MEDAG: variants seen among roughly 807,000 people sequenced by gnomAD.
MEDAG encodes mesenteric estrogen dependent adipogenesis, also known as mesenteric estrogen-dependent adipogenesis protein.
In MEDAG, 25 loss-of-function variants were observed where a neutral mutation model predicts 29.9. That is an observed-to-expected ratio of 0.84 (90% CI 0.61 to 1.17). The LOEUF (loss-of-function observed/expected upper bound fraction) is 1.17. MEDAG is among the 50% of genes most tolerant of loss of function. The pLI, the probability that MEDAG is intolerant of heterozygous loss-of-function variation, is 0.00. For synonymous variants in MEDAG, 158 were observed against 148.2 expected, an observed-to-expected ratio of 1.07 and a Z score of -0.48; for missense variants, 398 against 372.9, an observed-to-expected ratio of 1.07 and a Z score of -0.56.
chr13:30,916,640 T>C (rs1309409258), intron 1 of MEDAG: 1 of 152,228 alleles, frequency 6.6e-6, no homozygotes, highest in Admixed American at 6.5e-5. Flanking sequence ...ACTAACTTCT[T>C]GAAGGAAGCT....
At chr13:30,918,541 C>T (rs1447653190) in intron 2 of MEDAG, among the ~76,000 whole-genome samples, 1 of 152,196 alleles carries the variant, frequency 6.6e-6, no homozygotes, top group African/African-American at 2.4e-5. Context: ...CTGGTAGCAA[C>T]TATATTAAAC....
Position 30,906,703 on chromosome 13 carries a change from C to T in MEDAG, c.188C>T (p.Pro63Leu). Residue 63 changes from proline (P) to leucine (L), a missense_variant, in exon 1 of 5, where the codon CCG becomes CTG. Transcript: ENST00000380482. The stretch of plus-strand genomic sequence containing the variant: ...CTCGTGGTGGCCAGGCCCGGGGAGC[C>T]GGCGGCGGCGCGGGGGGGCTTCAAC... Reference protein sequence around the residue: ...DQLVVARPGEPAAARGGFNVF... With the variant: ...DQLVVARPGELAAARGGFNVF... The T allele has an allele frequency of 1.3e-6, 2 of 1,518,718 alleles. No homozygotes were observed. The highest frequency in any genetic ancestry group is 1.8e-6 in the Non-Finnish European group (2 of 1,141,544). 94.1% of individuals were successfully genotyped at this position (1,518,718 alleles called of 1,614,324 possible).
chr13:30,922,005 C>A, intron 4 of MEDAG, 159 bp downstream of exon 4: 1 of 753,502 alleles, frequency 1.3e-6, no homozygotes, highest in Non-Finnish European at 2.0e-6. Flanking sequence ...TGTTTATTAC[C>A]AAAAACAAAT....
chr13:30,920,813 C>T (rs1952976320), intron 2 of MEDAG, among the ~76,000 whole-genome samples: 1 of 152,142 alleles, frequency 6.6e-6, no homozygotes, highest in Admixed American at 6.5e-5. Flanking sequence ...CCCAGAACCT[C>T]CTTCAAATCT....
chr13:30,925,088 C>T lies in MEDAG; in HGVS notation c.*653C>T, dbSNP rs1407746587. 1.3e-5 allele frequency: 2 copies of T among 152,126 alleles called. No homozygotes were observed. The highest frequency in any genetic ancestry group is 2.4e-5 in the African/African-American group (1 of 41,408). The allele number at this position is 152,126 out of a possible 1,614,324, so 9.4% of individuals were successfully genotyped here. On this transcript the variant is annotated 3_prime_UTR_variant, in exon 5 of 5. Coordinates refer to ENST00000380482, the MANE Select transcript of MEDAG (RefSeq NM_032849.4). ...CTGCCTGAAATCGGAACTCCCTTGG[C>T]CTCCCTCTTAACTAAGTGACCCATG...
Position 30,917,332 on chromosome 13 carries a change from T to G in MEDAG, c.279-71T>G, listed in dbSNP as rs548870833. Reference sequence around the variant, plus strand: ...GGTCTGTGGCTGTGGCAGATACCTGTCCAGTACATCCCCTTCCTAATTTAG... The same window carrying G: ...GGTCTGTGGCTGTGGCAGATACCTGGCCAGTACATCCCCTTCCTAATTTAG... On this transcript the variant is annotated intron_variant, in intron 1 of 4. Coordinates refer to ENST00000380482, the MANE Select transcript of MEDAG (RefSeq NM_032849.4). The G allele has an allele frequency of 2.5e-4, 226 of 914,896 alleles. 1 individual carries two copies. The highest frequency in any genetic ancestry group is 1.1e-5 in the Non-Finnish European group (6 of 547,288). The allele number at this position is 914,896 out of a possible 1,614,324, so 56.7% of individuals were successfully genotyped here. A position where few individuals can be genotyped will look rare whatever the true frequency, so the allele number is the denominator to read the frequency against.
Position 30,924,323 on chromosome 13 carries a change from A to T in MEDAG, c.800A>T (p.Asp267Val). The change falls in exon 5 of 5, where the codon GAT becomes GTT. Residue 267 changes from aspartate to valine, a missense_variant. Coordinates refer to ENST00000380482, the MANE Select transcript of MEDAG (RefSeq NM_032849.4). ...FSVTSRGSIDDVFNCNLSPRS... is the reference protein window; with the variant it reads ...FSVTSRGSIDVVFNCNLSPRS... The stretch of plus-strand genomic sequence containing the variant: ...TACTGTTTTTTAGGTTCAATAGATG[A>T]TGTTTTTAACTGCAATCTGTCACCC... 6.2e-7 allele frequency: 1 copy of T among 1,613,428 alleles called. No individual in the cohort carries two copies. The highest frequency in any genetic ancestry group is 8.5e-7 in the Non-Finnish European group (1 of 1,179,716).
At chr13:30,907,393 C>T (rs2138112730) in intron 1 of MEDAG, among the ~76,000 whole-genome samples, 1 of 152,332 alleles carries the variant, frequency 6.6e-6, no homozygotes, top group African/African-American at 2.4e-5. Context: ...AGCCCGGGGC[C>T]ATGTGGGCTG....
chr13:30,921,230 A>T (rs1952982328), intron 3 of MEDAG, 104 bp downstream of exon 3: 13 of 945,186 alleles, frequency 1.4e-5, no homozygotes, highest in Non-Finnish European at 2.1e-5. Flanking sequence ...GGCCAAGAGA[A>T]TGGCCCTTAG....
At chr13:30,921,234 C>T (rs184620114) in intron 3 of MEDAG, 108 bp downstream of exon 3, 25 of 911,710 alleles carry the variant, frequency 2.7e-5, no homozygotes. Context: ...AAGAGAATGG[C>T]CCTTAGAAAA....
intron 1 of MEDAG, among the ~76,000 whole-genome samples, chr13:30,912,327 T>A (rs1478735545): frequency 1.3e-5 from 2 of 152,174 alleles, no homozygotes; most frequent in Non-Finnish European, 2.9e-5. Flanking sequence ...AAGCTAACAC[T>A]GGAAAGTCAT....
chr13:30,921,609 G>A lies in MEDAG; in HGVS notation c.550G>A (p.Val184Met). The A allele has an allele frequency of 6.2e-7, 1 of 1,609,286 alleles. No individual in the cohort carries two copies. Among genetic ancestry groups the A allele is most frequent in the Admixed American group, 1.7e-5 (1 of 58,896 alleles). Reference protein sequence around the residue: ...VKNFFPPGNEVVNGENLSFAY... With the variant: ...VKNFFPPGNEMVNGENLSFAY... ...GAATTTCTTCCCCCCAGGAAATGAA[G>A]TGGTTAATGGAGAAAATTTAAGCTT... The change falls in exon 4 of 5, where the codon GTG becomes ATG. Residue 184 changes from valine to methionine, a missense_variant. Val to Met is a conservative substitution (Grantham distance 21). Transcript: ENST00000380482.
chr13:30,923,775 A>G (rs1483595455), intron 4 of MEDAG, among the ~76,000 whole-genome samples: 1 of 152,164 alleles, frequency 6.6e-6, no homozygotes, highest in Admixed American at 6.5e-5. Context: ...CATCTTTGGG[A>G]CACTGAGGAA....
At chr13:30,923,463 C>T (rs1210979706) in intron 4 of MEDAG, among the ~76,000 whole-genome samples, 1 of 151,908 alleles carries the variant, frequency 6.6e-6, no homozygotes, top group African/African-American at 2.4e-5. Context: ...CTCTCTTTCC[C>T]CTCTCTTTCT....
In MEDAG at chr13:30,924,331, A is replaced by AGGTTCAATAGATG. The variant is rs1416990311; in HGVS notation, c.808_809insGGTTCAATAGATG (p.Asn270ArgfsTer5). On this transcript the variant is annotated stop_gained and frameshift_variant, in exon 5 of 5. Coordinates refer to ENST00000380482, the MANE Select transcript of MEDAG (RefSeq NM_032849.4). LOFTEE classifies it high-confidence loss of function. ...TTTAGGTTCAATAGATGATGTTTTTAACTGCAATCTGTCACCCAGATCATC... is the reference window on the plus strand; with the variant it reads ...TTTAGGTTCAATAGATGATGTTTTTAGGTTCAATAGATGACTGCAATCTGTCACCCAGATCATC... 10 of 1,613,720 alleles carry AGGTTCAATAGATG rather than the reference A, an allele frequency of 6.2e-6. No individual in the cohort carries two copies. Among genetic ancestry groups the AGGTTCAATAGATG allele is most frequent in the Non-Finnish European group, 8.5e-6 (10 of 1,179,838 alleles).
chr13:30,924,536 G>T lies in MEDAG; in HGVS notation c.*101G>T, dbSNP rs546045557. The T allele has an allele frequency of 1.4e-4, 180 of 1,249,744 alleles. No homozygotes were observed. In the East Asian group the frequency reaches 2.7e-3, roughly 19 times the overall value. 77.4% of individuals were successfully genotyped at this position (1,249,744 alleles called of 1,614,324 possible). On this transcript the variant is annotated 3_prime_UTR_variant, in exon 5 of 5. Coordinates refer to ENST00000380482, the MANE Select transcript of MEDAG (RefSeq NM_032849.4). ...GTGGGAGGCAGATACTTCCACCTGC[G>T]TGTCAATCTCCGGCTCCTCCATGGC...
At chr13:30,915,624 T>G (rs74043596) in intron 1 of MEDAG, among the ~76,000 whole-genome samples, 4 of 151,948 alleles carry the variant, frequency 2.6e-5, no homozygotes, top group Non-Finnish European at 4.4e-5. Flanking sequence ...GGCAGGAAAA[T>G]TCTCTCCCAG....
At chr13:30,918,650 G>A (rs1401920564) in intron 2 of MEDAG, among the ~76,000 whole-genome samples, 1 of 152,150 alleles carries the variant, frequency 6.6e-6, no homozygotes, top group African/African-American at 2.4e-5. Context: ...AATAGAAGTA[G>A]AATTTCTTAA....
chr13:30,921,183 T>C (rs763776514), intron 3 of MEDAG, 57 bp downstream of exon 3: 8 of 1,452,026 alleles, frequency 5.5e-6, no homozygotes, highest in Admixed American at 1.8e-5. Flanking sequence ...AGCTTGTGCA[T>C]TTCATGCAGG....
Sources: allele counts gnomAD v4.1 joint callset (sites outside exome capture counted in the v4.1 genomes callset), GRCh38; gene constraint gnomAD v4.1.1; transcripts MANE v1.5; gene names NCBI Gene and HGNC (gene_info 2026-07-23, HGNC 2026-07-21).